Variants in CACNA1A observed in about 807,000 individuals in gnomAD.
CACNA1A encodes calcium voltage-gated channel subunit alpha1 A.
CACNA1A carries 57 observed loss-of-function variants against 262.4 expected under a neutral mutation model. The ratio of observed to expected loss-of-function variants is 0.22; its 90% CI spans 0.18 to 0.27. The LOEUF is 0.27. Among genes scored for constraint, CACNA1A ranks in the 10% least tolerant of loss-of-function variants. CACNA1A has a pLI of 1.00. For missense variants in CACNA1A, 2,526 were observed against 3,562.8 expected (o/e 0.71, Z 7.41); for synonymous variants, 1,431 against 1,419.3 (o/e 1.01, Z -0.18).
chr19:13,402,959 T>C (rs1568611308), intron 3 of CACNA1A, among the ~76,000 whole-genome samples: 1 of 140,964 alleles, frequency 7.1e-6, no homozygotes, highest in South Asian at 2.3e-4. Flanking sequence ...CATCAAACAG[T>C]AGCAATATGT....
chr19:13,215,489 T>C (rs2054975520), intron 38 of CACNA1A, among the ~76,000 whole-genome samples: 1 of 150,864 alleles, frequency 6.6e-6, no homozygotes, highest in African/African-American at 2.4e-5. Flanking sequence ...CCAACTAATT[T>C]TGTATTTTTA....
chr19:13,385,465 C>A (rs1013118580), intron 3 of CACNA1A, among the ~76,000 whole-genome samples: 10 of 151,776 alleles, frequency 6.6e-5, no homozygotes, highest in African/African-American at 2.4e-4. Flanking sequence ...CCTGACCTTG[C>A]GATTCACCTG....
rs1040605682 is a variant in CACNA1A at position 13,457,430 on chromosome 19, C to G, written c.294-2218G>C. ...ACAGGTATTCCAACGAACACTCATA[C>G]ACAAATATTCACAGCAGCACTATTC... is the stretch of plus-strand genomic sequence containing the variant. On this transcript the variant is annotated intron_variant, in intron 1 of 46. Coordinates refer to ENST00000360228, the MANE Select transcript of CACNA1A (RefSeq NM_001127222.2). Among the ~76,000 whole-genome samples, 7 of 152,308 alleles carry G rather than the reference C, an allele frequency of 4.6e-5. No homozygotes were observed. The South Asian group carries it at 1.0e-3, about 23-fold the overall frequency.
At chr19:13,232,429 T>G (rs982091509) in intron 34 of CACNA1A, among the ~76,000 whole-genome samples, 1 of 152,028 alleles carries the variant, frequency 6.6e-6, no homozygotes, top group Non-Finnish European at 1.5e-5. Context: ...GTCACTGTTA[T>G]GCTTTAAAAG....
chr19:13,387,434 T>C (rs184596201), intron 3 of CACNA1A, among the ~76,000 whole-genome samples: 1 of 152,236 alleles, frequency 6.6e-6, no homozygotes, highest in East Asian at 1.9e-4. Flanking sequence ...ATGGGGAAAT[T>C]GAGACCCATG....
At chr19:13,458,822 C>T (rs891288151) in intron 1 of CACNA1A, among the ~76,000 whole-genome samples, 10 of 152,198 alleles carry the variant, frequency 6.6e-5, no homozygotes, top group Non-Finnish European at 1.0e-4. Flanking sequence ...AAGTGTCCCA[C>T]GCCAACAGGC....
intron 24 of CACNA1A, among the ~76,000 whole-genome samples, chr19:13,268,063 C>A (rs2056909761): frequency 6.6e-6 from 1 of 152,030 alleles, no homozygotes; most frequent in Non-Finnish European, 1.5e-5. Context: ...GCATCCTGGG[C>A]AAGACTCTGT....
chr19:13,414,577 G>A (rs1319563512), intron 3 of CACNA1A, among the ~76,000 whole-genome samples: 2 of 152,200 alleles, frequency 1.3e-5, no homozygotes, highest in Non-Finnish European at 1.5e-5. Flanking sequence ...ACTGGGAAGG[G>A]GTAATTAAAA....
At chr19:13,469,542 G>A (rs1370224803) in intron 1 of CACNA1A, among the ~76,000 whole-genome samples, 79 of 143,786 alleles carry the variant, frequency 5.5e-4, no homozygotes, top group Admixed American at 3.7e-4. Flanking sequence ...TCCGCCTCCC[G>A]GGTTCACGCC....
intron 11 of CACNA1A, chr19:13,316,848 C>T: frequency 2.7e-6 from 1 of 364,794 alleles, no homozygotes. Context: ...CAGCACCCCT[C>T]TGTCCCTCTC....
chr19:13,236,901 G>C lies in CACNA1A; in HGVS notation c.4951-1171C>G, dbSNP rs1388901758. On this transcript the variant is annotated intron_variant, in intron 31 of 46. Transcript: ENST00000360228. The surrounding 1 kb of genome is among the most constrained non-coding windows in gnomAD (Gnocchi z 4.6). ...GTGGGGCTTCAAGGGACCTTGGTGG[G>C]GGGGGTGGGACTCTCGAAGTCACGA... Among the ~76,000 whole-genome samples, 1 of 152,164 alleles carries C rather than the reference G, an allele frequency of 6.6e-6. No individual in the cohort carries two copies. Among genetic ancestry groups the C allele is most frequent in the Non-Finnish European group, 1.5e-5 (1 of 68,020 alleles).
chr19:13,414,474 T>C (rs1336857639), intron 3 of CACNA1A, among the ~76,000 whole-genome samples: 4 of 152,014 alleles, frequency 2.6e-5, no homozygotes, highest in East Asian at 3.9e-4. Context: ...TTGAAAGCAA[T>C]AAGGGTTTAA....
At chr19:13,315,848 G>A (rs1023583249) in intron 11 of CACNA1A, 4 of 152,258 alleles carry the variant, frequency 2.6e-5, no homozygotes, top group African/African-American at 9.6e-5. Context: ...TAGACAGCCA[G>A]TAGGCAAAAG....
chr19:13,393,091 A>G (rs1018660286), intron 3 of CACNA1A, among the ~76,000 whole-genome samples: 2 of 152,146 alleles, frequency 1.3e-5, no homozygotes, highest in Non-Finnish European at 2.9e-5. Context: ...GTTCCTACCA[A>G]AGCTAAACCA....
chr19:13,367,251 C>T (rs141091599), intron 4 of CACNA1A, among the ~76,000 whole-genome samples: 24 of 139,592 alleles, frequency 1.7e-4, no homozygotes, highest in African/African-American at 5.5e-4. Context: ...GCCAAGATGA[C>T]GCCACTGTAC....
chr19:13,293,957 T>C (rs543201284), intron 19 of CACNA1A, among the ~76,000 whole-genome samples: 1 of 152,262 alleles, frequency 6.6e-6, no homozygotes, highest in East Asian at 1.9e-4. Flanking sequence ...CAATGTTTAC[T>C]GTTGTCTTTC....
intron 3 of CACNA1A, among the ~76,000 whole-genome samples, chr19:13,385,226 C>CTTTTTTTTTTT (rs200379554): frequency 7.3e-6 from 1 of 137,560 alleles, no homozygotes; most frequent in African/African-American, 2.8e-5. Flanking sequence ...TCTATTCTTT[C>CTTTTTTTTTTT]TTTCTTTTTT....
intron 37 of CACNA1A, chr19:13,226,270 G>A (rs2055442286): frequency 1.2e-5 from 1 of 82,094 alleles, no homozygotes; most frequent in African/African-American, 4.6e-5. Flanking sequence ...GGGGGGGGGG[G>A]CGGCAGGGAG....
chr19:13,464,762 G>C (rs7259016), intron 1 of CACNA1A, among the ~76,000 whole-genome samples: 15 of 151,562 alleles, frequency 9.9e-5, no homozygotes, highest in Middle Eastern at 6.8e-3. Context: ...GTTAGCCAGG[G>C]TGGTCTCGAT....
Sources: gnomAD v4.1 joint callset for allele counts (sites outside exome capture counted in the v4.1 genomes callset) on GRCh38, gnomAD v4.1.1 for gene constraint, Gnocchi (gnomAD v3.1) non-coding constraint, MANE v1.5 for transcripts, NCBI Gene and HGNC (gene_info 2026-07-23, HGNC 2026-07-21) for gene names.